KCNIP4: variants seen among roughly 807,000 people sequenced by gnomAD.
KCNIP4 encodes the protein potassium voltage-gated channel interacting protein 4, also known as Kv channel-interacting protein 4.
A neutral mutation model predicts 34.0 loss-of-function variants in KCNIP4; 12 were observed. The observed-to-expected ratio is 0.35, with a 90% CI of 0.23 to 0.57. KCNIP4 has a LOEUF of 0.57. Among genes scored for constraint, KCNIP4 ranks in the 20% least tolerant of loss-of-function variants. The pLI, the probability that KCNIP4 is intolerant of heterozygous loss-of-function variation, is 0.83. For synonymous variants in KCNIP4, 124 were observed against 102.2 expected, an observed-to-expected ratio of 1.21 and a Z score of -1.29; for missense variants, 238 against 311.7, an observed-to-expected ratio of 0.76 and a Z score of 1.78.
At chr4:20,825,625 A>C (rs1437148739) in intron 3 of KCNIP4, among the ~76,000 whole-genome samples, 6 of 152,330 alleles carry the variant, frequency 3.9e-5, no homozygotes, top group Non-Finnish European at 7.3e-5. Flanking sequence ...TGCCAGAGCT[A>C]GGCAGGCATG....
At chr4:21,644,580 G>A (rs13142487) in intron 1 of KCNIP4, among the ~76,000 whole-genome samples, 72,324 of 151,958 alleles carry the variant, frequency 0.48, 17,844 homozygotes, top group African/African-American at 0.54. Context: ...AAGCTACCCT[G>A]ATCCCCTTAC....
intron 1 of KCNIP4, among the ~76,000 whole-genome samples, chr4:21,927,502 G>A (rs1729317277): frequency 6.6e-6 from 1 of 152,066 alleles, no homozygotes; most frequent in South Asian, 2.1e-4. Flanking sequence ...CATAGCAGAG[G>A]AGGCCTAGAA....
chr4:21,141,975 C>T (rs925025817), intron 1 of KCNIP4, among the ~76,000 whole-genome samples: 33 of 151,268 alleles, frequency 2.2e-4, no homozygotes, highest in African/African-American at 6.8e-4. Flanking sequence ...CATAGTGAAA[C>T]CCTGTCTCTA....
intron 1 of KCNIP4, among the ~76,000 whole-genome samples, chr4:20,930,541 A>G (rs1730353115): frequency 6.6e-6 from 1 of 152,122 alleles, no homozygotes; most frequent in South Asian, 2.1e-4. Flanking sequence ...GTGTCTGCAC[A>G]GTAAAGGAAT....
At chr4:21,524,000 C>A (rs1735761100) in intron 1 of KCNIP4, among the ~76,000 whole-genome samples, 1 of 152,060 alleles carries the variant, frequency 6.6e-6, no homozygotes, top group Admixed American at 6.6e-5. Flanking sequence ...ATATTTCTGC[C>A]ATGTTTCTTT....
At chr4:21,934,979 A>C (rs930862088) in intron 1 of KCNIP4, among the ~76,000 whole-genome samples, 3 of 152,136 alleles carry the variant, frequency 2.0e-5, no homozygotes, top group Non-Finnish European at 4.4e-5. Flanking sequence ...ATGTACAAAC[A>C]CACACACAAT....
At chr4:20,763,985 T>C (rs1755173184) in intron 3 of KCNIP4, among the ~76,000 whole-genome samples, 1 of 152,230 alleles carries the variant, frequency 6.6e-6, no homozygotes, top group Admixed American at 6.5e-5. Context: ...TGTTTGAGCA[T>C]GAATTTTTTC....
chr4:21,130,230 T>C (rs957668778), intron 1 of KCNIP4, among the ~76,000 whole-genome samples: 5 of 152,302 alleles, frequency 3.3e-5, no homozygotes, highest in South Asian at 4.1e-4. Flanking sequence ...TGCAGATACC[T>C]AGGCATCACT....
At chr4:21,010,211 C>G (rs1176831255) in intron 1 of KCNIP4, among the ~76,000 whole-genome samples, 1 of 152,164 alleles carries the variant, frequency 6.6e-6, no homozygotes, top group African/African-American at 2.4e-5. Context: ...AAGCACAAGG[C>G]GTCTTCTTTG....
intron 1 of KCNIP4, among the ~76,000 whole-genome samples, chr4:21,483,910 C>T (rs1408342963): frequency 4.6e-5 from 7 of 152,124 alleles, no homozygotes; most frequent in Admixed American, 2.0e-4. Context: ...CAATCTTCCA[C>T]CATGATTGAA....
intron 1 of KCNIP4, among the ~76,000 whole-genome samples, chr4:21,196,736 T>A (rs1270919829): frequency 6.6e-6 from 1 of 152,234 alleles, no homozygotes; most frequent in Non-Finnish European, 1.5e-5. Flanking sequence ...AGATGTAGAT[T>A]CAAATTTCAT....
chr4:21,335,847 A>G (rs1321749268), intron 1 of KCNIP4, among the ~76,000 whole-genome samples: 8 of 152,166 alleles, frequency 5.3e-5, no homozygotes, highest in Non-Finnish European at 1.2e-4. Context: ...AAGAAGTATA[A>G]AGAATAATAC....
chr4:21,732,864 G>C (rs1715710503), intron 1 of KCNIP4, among the ~76,000 whole-genome samples: 1 of 152,040 alleles, frequency 6.6e-6, no homozygotes, highest in Admixed American at 6.6e-5. Flanking sequence ...AAAATTAAAA[G>C]ATTCATACCT....
chr4:21,125,544 G>T (rs923785964), intron 1 of KCNIP4, among the ~76,000 whole-genome samples: 1 of 151,994 alleles, frequency 6.6e-6, no homozygotes, highest in Non-Finnish European at 1.5e-5. Flanking sequence ...CAGATTTCAG[G>T]GCCCATTTCC....
At position 21,396,478 on chromosome 4, in the gene KCNIP4, C is replaced by A. The variant is rs557744485; in HGVS notation, c.62-513769G>T. On this transcript the variant is annotated intron_variant, in intron 1 of 8. Transcript: ENST00000382152. ...GGCTGAGGCAGGAGAGTTGCCTGAACCCGGGAGGCGGAGGTTGCAGTGAGC... is the reference window on the plus strand; with the variant it reads ...GGCTGAGGCAGGAGAGTTGCCTGAAACCGGGAGGCGGAGGTTGCAGTGAGC... Among the ~76,000 whole-genome samples the A allele has an allele frequency of 5.7e-3, 784 of 137,870 alleles. 1 individual carries two copies. The highest frequency in any genetic ancestry group is 6.6e-3 in the Non-Finnish European group (428 of 64,992). The allele number at this position is 137,870 out of a possible 152,430, so 90.4% of individuals were successfully genotyped here.
At chr4:21,884,306 A>T (rs1726634086) in intron 1 of KCNIP4, among the ~76,000 whole-genome samples, 2 of 152,076 alleles carry the variant, frequency 1.3e-5, no homozygotes, top group African/African-American at 4.8e-5. Context: ...GAAAGGTTGT[A>T]CTCAGAGGGC....
At chr4:21,538,959 G>A (rs1382330980) in intron 1 of KCNIP4, among the ~76,000 whole-genome samples, 6 of 152,138 alleles carry the variant, frequency 3.9e-5, no homozygotes, top group East Asian at 1.9e-4. Context: ...TGACTGGATC[G>A]TAGGAGTGGA....
rs141564338 is a variant in KCNIP4 at position 21,862,406 on chromosome 4, G to C, written c.61+86165C>G. Among the ~76,000 whole-genome samples, 128 of 152,292 alleles carry C rather than the reference G, an allele frequency of 8.4e-4. 1 individual carries two copies. Among genetic ancestry groups the C allele is most frequent in the East Asian group, 6.2e-3 (32 of 5,174 alleles). The stretch of plus-strand genomic sequence containing the variant: ...AAATAAAATTCTCTGTTCTAAGGGA[G>C]CTTAAGTTCTCATCAAAAGAGATAA... On this transcript the variant is annotated intron_variant, in intron 1 of 8. Transcript: ENST00000382152.
intron 1 of KCNIP4, among the ~76,000 whole-genome samples, chr4:21,204,226 C>T (rs1488393950): frequency 6.6e-6 from 1 of 151,778 alleles, no homozygotes; most frequent in Non-Finnish European, 1.5e-5. Flanking sequence ...TAGTTCAGTC[C>T]AATGAAAGGG....
Sources: gnomAD v4.1 joint callset for allele counts (sites outside exome capture counted in the v4.1 genomes callset) on GRCh38, gnomAD v4.1.1 for gene constraint, MANE v1.5 for transcripts, NCBI Gene and HGNC (gene_info 2026-07-23, HGNC 2026-07-21) for gene names.